COX17: variants seen among roughly 807,000 people sequenced by gnomAD.
COX17 encodes cytochrome c oxidase copper chaperone.
In COX17, 1 loss-of-function variant was observed where a neutral mutation model predicts 6.3. The observed-to-expected ratio is 0.16, with a 90% CI of 0.06 to 0.75. The LOEUF (loss-of-function observed/expected upper bound fraction) is 0.75, where lower values mean the gene tolerates loss of function less well. Among genes scored for constraint, COX17 ranks in the 30% least tolerant of loss-of-function variants. The pLI, the probability that COX17 is intolerant of heterozygous loss-of-function variation, is 0.77. For synonymous variants in COX17, 26 were observed against 30.5 expected, an observed-to-expected ratio of 0.85 and a Z score of 0.49; for missense variants, 73 against 81.2, an observed-to-expected ratio of 0.90 and a Z score of 0.39.
intron 1 of COX17, among the ~76,000 whole-genome samples, chr3:119,675,729 C>A (rs1293018635): frequency 6.6e-6 from 1 of 152,186 alleles, no homozygotes; most frequent in Non-Finnish European, 1.5e-5. Context: ...GAATATTTTA[C>A]TTGTAAAATT....
chr3:119,665,775 T>C (rs1327465301), downstream of COX17, among the ~76,000 whole-genome samples: 1 of 152,202 alleles, frequency 6.6e-6, no homozygotes, highest in Non-Finnish European at 1.5e-5. Flanking sequence ...TCTGTATTGC[T>C]TGTGTCAGTG....
At position 119,677,370 on chromosome 3, in the gene COX17, C is replaced by G; in HGVS notation, c.-60G>C. The G allele has an allele frequency of 1.2e-5, 16 of 1,374,052 alleles. No homozygotes were observed. Among genetic ancestry groups the G allele is most frequent in the South Asian group, 2.4e-5 (2 of 82,802 alleles). 85.1% of individuals were successfully genotyped at this position (1,374,052 alleles called of 1,614,324 possible). The stretch of plus-strand genomic sequence containing the variant: ...CCAAATCTATGCCAGCCTCGGCAAA[C>G]GCCGATTCGTCCGCAGTCACTTCCG... On this transcript the variant is annotated 5_prime_UTR_variant, in exon 1 of 3. Coordinates refer to ENST00000261070, the MANE Select transcript of COX17 (RefSeq NM_005694.2).
intron 2 of COX17, among the ~76,000 whole-genome samples, chr3:119,670,998 C>T (rs1310425845): frequency 1.3e-5 from 2 of 152,110 alleles, no homozygotes; most frequent in African/African-American, 2.4e-5. Context: ...TCTAATTACT[C>T]TTTTCAGTAA....
intron 2 of COX17, 71 bp downstream of exon 2, chr3:119,675,074 T>A: frequency 1.8e-6 from 2 of 1,099,736 alleles, no homozygotes; most frequent in Non-Finnish European, 2.8e-6. Flanking sequence ...TGAACTACCT[T>A]TCAGAGAGAA....
intron 1 of COX17, chr3:119,676,829 C>T: frequency 1.4e-6 from 1 of 702,780 alleles, no homozygotes. Flanking sequence ...GGACCTAACG[C>T]AGTGCTTAAC....
downstream of COX17, chr3:119,665,147 T>C (rs1218763899): frequency 2.6e-5 from 4 of 152,174 alleles, no homozygotes; most frequent in Admixed American, 6.5e-5. Flanking sequence ...TTCCCCTTGA[T>C]AGCGACTGGC....
At chr3:119,667,391 A>T (rs2053002073), downstream of COX17, among the ~76,000 whole-genome samples, 2 of 152,182 alleles carry the variant, frequency 1.3e-5, no homozygotes, top group South Asian at 4.1e-4. Flanking sequence ...GAGGCCAAAA[A>T]GGGTGCTTTC....
chr3:119,667,399 T>C (rs912143913), downstream of COX17, among the ~76,000 whole-genome samples: 1 of 152,106 alleles, frequency 6.6e-6, no homozygotes, highest in Non-Finnish European at 1.5e-5. Flanking sequence ...AAAGGGTGCT[T>C]TCAGTTCCCT....
At chr3:119,675,730 T>C (rs1205058066) in intron 1 of COX17, among the ~76,000 whole-genome samples, 2 of 152,240 alleles carry the variant, frequency 1.3e-5, no homozygotes, top group Non-Finnish European at 2.9e-5. Context: ...AATATTTTAC[T>C]TGTAAAATTC....
At chr3:119,664,920 T>TAA (rs2052980784), downstream of COX17, among the ~76,000 whole-genome samples, 3 of 152,240 alleles carry the variant, frequency 2.0e-5, no homozygotes, top group African/African-American at 7.2e-5. Context: ...CTAGTATAGA[T>TAA]ACTAAAATAG....
chr3:119,672,465 A>T (rs6438539), intron 2 of COX17, among the ~76,000 whole-genome samples: 136,314 of 151,604 alleles, frequency 0.9, 62,955 homozygotes, highest in East Asian at 1. Flanking sequence ...ATTTCTTTTT[A>T]TTTAATCACC....
downstream of COX17, among the ~76,000 whole-genome samples, chr3:119,666,376 T>C (rs1232185410): frequency 6.6e-6 from 1 of 152,210 alleles, no homozygotes; most frequent in East Asian, 1.9e-4. Flanking sequence ...GAGTCTTGGA[T>C]GAAATCAGTG....
At chr3:119,671,411 C>G (rs1018496845) in intron 2 of COX17, among the ~76,000 whole-genome samples, 4 of 152,222 alleles carry the variant, frequency 2.6e-5, no homozygotes, top group African/African-American at 9.6e-5. Flanking sequence ...TTAAAATCTA[C>G]AAAGGTTTTT....
chr3:119,673,213 T>A (rs2053062763), intron 2 of COX17, among the ~76,000 whole-genome samples: 1 of 152,236 alleles, frequency 6.6e-6, no homozygotes. Context: ...GGCCATTTCA[T>A]AACTATAAGC....
At chr3:119,668,823 A>T (rs1411964219), downstream of COX17, among the ~76,000 whole-genome samples, 1 of 152,032 alleles carries the variant, frequency 6.6e-6, no homozygotes, top group African/African-American at 2.4e-5. Flanking sequence ...TACAAGCAGA[A>T]TATGATCATA....
chr3:119,677,162 C>T, intron 1 of COX17, 42 bp downstream of exon 1: 1 of 1,536,284 alleles, frequency 6.5e-7, no homozygotes, highest in Non-Finnish European at 8.9e-7. Context: ...CAGGCCGCGG[C>T]CCGGGGCTCG....
At chr3:119,667,667 A>T (rs2053004355), downstream of COX17, among the ~76,000 whole-genome samples, 2 of 148,250 alleles carry the variant, frequency 1.3e-5, no homozygotes, top group Admixed American at 6.9e-5. Context: ...AGCCAAAAAA[A>T]AAAAAAGAAA....
intron 1 of COX17, chr3:119,675,434 GA>G: frequency 1.2e-5 from 6 of 518,226 alleles, no homozygotes; most frequent in Non-Finnish European, 2.1e-5. Context: ...ACAGATAAGT[GA>G]TTTTGGGGGG....
At chr3:119,672,010 A>G (rs935388654) in intron 2 of COX17, among the ~76,000 whole-genome samples, 14 of 152,216 alleles carry the variant, frequency 9.2e-5, no homozygotes, top group African/African-American at 3.1e-4. Context: ...TTCTTCTTGT[A>G]ACCAGGATTC....
Sources: allele counts gnomAD v4.1 joint callset (sites outside exome capture counted in the v4.1 genomes callset), GRCh38; gene constraint gnomAD v4.1.1; transcripts MANE v1.5; gene names NCBI Gene and HGNC (gene_info 2026-07-23, HGNC 2026-07-21).